The following RAB8A variants were observed in gnomAD, a reference collection of about 807,000 sequenced individuals.
RAB8A encodes the protein RAB8A, member RAS oncogene family.
Under a neutral mutation model 29.2 loss-of-function variants are expected in RAB8A, and 5 were observed. The ratio of observed to expected loss-of-function variants is 0.17; its 90% CI spans 0.09 to 0.36. The LOEUF (loss-of-function observed/expected upper bound fraction) is 0.36. RAB8A is among the 10% of genes least tolerant of loss of function. The pLI is 1.00. For missense variants in RAB8A, 171 were observed against 272.2 expected (o/e 0.63, Z 2.62); for synonymous variants, 108 against 99.9 (o/e 1.08, Z -0.49).
rs751928900 is a variant in RAB8A at position 16,127,553 on chromosome 19, G to A, written c.414+27G>A. The A allele has an allele frequency of 6.8e-7, 1 of 1,467,120 alleles. No individual in the cohort carries two copies. Among genetic ancestry groups the A allele is most frequent in the Non-Finnish European group, 9.1e-7 (1 of 1,097,916 alleles). The allele number at this position is 1,467,120 out of a possible 1,614,324, so 90.9% of individuals were successfully genotyped here. Reference sequence around the variant, plus strand: ...TGGGCATGGTGGCACAAGGGGCAGAGGGCCTCGGGGTCTTGGGGTTCTTGT... The same window carrying A: ...TGGGCATGGTGGCACAAGGGGCAGAAGGCCTCGGGGTCTTGGGGTTCTTGT... On this transcript the variant is annotated intron_variant, in intron 5 of 7. Transcript: ENST00000300935. The surrounding 1 kb of genome is among the most constrained non-coding windows in gnomAD (Gnocchi z 4.8).
chr19:16,129,564 C>T lies in RAB8A; in HGVS notation c.491C>T (p.Thr164Ile), dbSNP rs1160073390. The change falls in exon 7 of 8, where the codon ACT (threonine) becomes ATT (isoleucine). Residue 164 changes from threonine (T) to isoleucine (I), a missense_variant. Transcript: ENST00000300935. ...ANINVENAFF[T>I]LARDIKAKMD... is the part of the protein sequence containing the mutation. ...GTGCTTATTCCACAGGCATTTTTCA[C>T]TCTCGCCAGAGATATCAAAGCAAAA... The T allele has an allele frequency of 5.6e-6, 9 of 1,614,004 alleles. No individual in the cohort carries two copies. The highest frequency in any genetic ancestry group is 2.2e-5 in the East Asian group (1 of 44,900).
Position 16,127,531 on chromosome 19 carries a change from G to A in RAB8A, c.414+5G>A. On this transcript the variant is annotated splice_donor_5th_base_variant and intron_variant, in intron 5 of 7. Coordinates refer to ENST00000300935, the MANE Select transcript of RAB8A (RefSeq NM_005370.5). This position sits in a 1 kb window ranked among gnomAD's most constrained non-coding sequence, Gnocchi z 4.8. ...TCCAAGGAACGGGGAGAAAAGGTGG[G>A]CATGGTGGCACAAGGGGCAGAGGGC... 1 of 1,521,018 alleles carries A rather than the reference G, an allele frequency of 6.6e-7. No individual in the cohort carries two copies. The highest frequency in any genetic ancestry group is 8.8e-7 in the Non-Finnish European group (1 of 1,136,722). 94.2% of individuals were successfully genotyped at this position (1,521,018 alleles called of 1,614,324 possible).
intron 7 of RAB8A, 29 bp downstream of exon 7, chr19:16,129,633 G>A (rs2144996974): frequency 6.2e-7 from 1 of 1,609,836 alleles, no homozygotes; most frequent in East Asian, 2.2e-5. Flanking sequence ...GAGATCCCCG[G>A]GTGGATCTCT....
chr19:16,128,186 G>T, intron 6 of RAB8A, 95 bp downstream of exon 6: 4 of 1,355,920 alleles, frequency 3.0e-6, no homozygotes, highest in Non-Finnish European at 4.1e-6. Flanking sequence ...GGTCCTGCCA[G>T]ACGGACCAGC....
At chr19:16,113,622 G>A (rs968894768) in intron 1 of RAB8A, among the ~76,000 whole-genome samples, 14 of 152,124 alleles carry the variant, frequency 9.2e-5, no homozygotes, top group South Asian at 2.1e-4. Flanking sequence ...GGCTGGTCTC[G>A]AACTCCTGAC....
intron 1 of RAB8A, among the ~76,000 whole-genome samples, chr19:16,115,249 G>T (rs910508388): frequency 6.6e-6 from 1 of 151,774 alleles, no homozygotes. Flanking sequence ...GATTGTGCCA[G>T]TGCACTCCAG....
At chr19:16,112,799 C>T (rs55640526) in intron 1 of RAB8A, 45,587 of 152,100 alleles carry the variant, frequency 0.3, 7,081 homozygotes, top group South Asian at 0.35. Flanking sequence ...CCCTCATAAG[C>T]GTATTTTCCT....
chr19:16,129,483 C>A, intron 6 of RAB8A, 71 bp from the exon 7 acceptor site: 1 of 1,493,126 alleles, frequency 6.7e-7, no homozygotes, highest in Non-Finnish European at 9.3e-7. Flanking sequence ...CTCACCACAC[C>A]CGCTGTACAC....
At chr19:16,124,711 G>GCCCCCCCCCCCCCCCCC (rs111343158) in intron 3 of RAB8A, 1 of 135,296 alleles carries the variant, frequency 7.4e-6, no homozygotes, top group Non-Finnish European at 1.6e-5. Context: ...TTTGGAGTTA[G>GCCCCCCCCCCCCCCCCC]CCCCCCCCCG....
Position 16,132,547 on chromosome 19 carries a change from C to T in RAB8A, c.*243C>T. 1.9e-6 allele frequency: 1 copy of T among 518,840 alleles called. No individual in the cohort carries two copies. Among genetic ancestry groups the T allele is most frequent in the East Asian group, 3.4e-5 (1 of 29,182 alleles). 32.1% of individuals were successfully genotyped at this position (518,840 alleles called of 1,614,324 possible). A position where few individuals can be genotyped will look rare whatever the true frequency, so the allele number is the denominator to read the frequency against. On this transcript the variant is annotated 3_prime_UTR_variant, in exon 8 of 8. Coordinates refer to ENST00000300935, the MANE Select transcript of RAB8A (RefSeq NM_005370.5). The surrounding 1 kb of genome is among the most constrained non-coding windows in gnomAD (Gnocchi z 5.6). The stretch of plus-strand genomic sequence containing the variant: ...TTTCCTGTAACATCTGCTGAACGGG[C>T]CCACCCACACGTTGTATATTCAGAG...
At chr19:16,130,967 GCACATGT>G (rs1384574278) in intron 7 of RAB8A, among the ~76,000 whole-genome samples, 1 of 152,076 alleles carries the variant, frequency 6.6e-6, no homozygotes, top group Non-Finnish European at 1.5e-5. Context: ...GGGATTACAG[GCACATGT>G]CACCACGCCC....
At chr19:16,117,276 G>A (rs2090850354) in intron 1 of RAB8A, among the ~76,000 whole-genome samples, 1 of 152,026 alleles carries the variant, frequency 6.6e-6, no homozygotes, top group Non-Finnish European at 1.5e-5. Flanking sequence ...ATCATTTGAG[G>A]TCAGGAGTTT....
chr19:16,123,497 C>T (rs1341955621), intron 3 of RAB8A, among the ~76,000 whole-genome samples: 2 of 152,194 alleles, frequency 1.3e-5, no homozygotes, highest in African/African-American at 4.8e-5. Flanking sequence ...ATCCCAGCTA[C>T]TCAGGAGGGT....
rs142178398 is a variant in RAB8A, at chr19:16,132,274, G to A, written c.594G>A (p.Arg198=). 1.2e-6 allele frequency: 2 copies of A among 1,614,062 alleles called. No individual in the cohort carries two copies. Among genetic ancestry groups the A allele is most frequent in the South Asian group, 1.1e-5 (1 of 91,084 alleles). The part of the protein sequence containing the change: ...GVKITPDQQK[R]SSFFRCVLL ...AAATCACACCGGACCAGCAGAAGAGGAGCAGCTTTTTCCGATGTGTTCTTC... is the reference window on the plus strand; with the variant it reads ...AAATCACACCGGACCAGCAGAAGAGAAGCAGCTTTTTCCGATGTGTTCTTC... Residue 198 remains arginine, a synonymous_variant, in exon 8 of 8, where the codon AGG becomes AGA. Transcript: ENST00000300935. The surrounding 1 kb of genome is among the most constrained non-coding windows in gnomAD (Gnocchi z 5.6).
chr19:16,111,995 G>GC lies in RAB8A; in HGVS notation c.96dup (p.Phe33LeufsTer12). 6.2e-7 allele frequency: 1 copy of GC among 1,614,054 alleles called. No homozygotes were observed. The highest frequency in any genetic ancestry group is 8.5e-7 in the Non-Finnish European group (1 of 1,179,884). On this transcript the variant is annotated frameshift_variant, in exon 1 of 8. Coordinates refer to ENST00000300935, the MANE Select transcript of RAB8A (RefSeq NM_005370.5). LOFTEE classifies it high-confidence loss of function. ...TGTCCTGTTCCGCTTCTCCGAGGAC[G>GC]CCTTCAACTCCACTTTTATCTCCAC...
Position 16,122,747 on chromosome 19 carries a change from T to C in RAB8A, c.246+937T>C, listed in dbSNP as rs1235401898. 6.6e-6 allele frequency among the ~76,000 whole-genome samples: 1 copy of C among 152,080 alleles called. No homozygotes were observed. Among genetic ancestry groups the C allele is most frequent in the Admixed American group, 6.5e-5 (1 of 15,276 alleles). Reference sequence around the variant, plus strand: ...GGAGATGGAAGGAGGCATTATGTGTTTAGAGCATCCCACACGGCATCCGAA... The same window carrying C: ...GGAGATGGAAGGAGGCATTATGTGTCTAGAGCATCCCACACGGCATCCGAA... On this transcript the variant is annotated intron_variant, in intron 3 of 7. Transcript: ENST00000300935. The surrounding 1 kb of genome is among the most constrained non-coding windows in gnomAD (Gnocchi z 4.7).
chr19:16,124,818 C>T (rs1224751027), intron 3 of RAB8A: 1 of 154,458 alleles, frequency 6.5e-6, no homozygotes, highest in African/African-American at 2.4e-5. Context: ...AGTAGCGAGG[C>T]TGTGGACCCA....
In RAB8A at chr19:16,122,736, G is replaced by A. The variant is rs1367084424; in HGVS notation, c.246+926G>A. Among the ~76,000 whole-genome samples, 1 of 152,146 alleles carries A rather than the reference G, an allele frequency of 6.6e-6. No homozygotes were observed. Among genetic ancestry groups the A allele is most frequent in the East Asian group, 1.9e-4 (1 of 5,192 alleles). ...TTGTGGAGGGTGGAGATGGAAGGAGGCATTATGTGTTTAGAGCATCCCACA... is the reference window on the plus strand; with the variant it reads ...TTGTGGAGGGTGGAGATGGAAGGAGACATTATGTGTTTAGAGCATCCCACA... On this transcript the variant is annotated intron_variant, in intron 3 of 7. Transcript: ENST00000300935. This position sits in a 1 kb window ranked among gnomAD's most constrained non-coding sequence, Gnocchi z 4.7.
At chr19:16,119,351 A>G (rs1049550979) in intron 2 of RAB8A, among the ~76,000 whole-genome samples, 1 of 152,046 alleles carries the variant, frequency 6.6e-6, no homozygotes, top group Non-Finnish European at 1.5e-5. Flanking sequence ...TATTACAGGC[A>G]TGCACCACCA....
Sources: gnomAD v4.1 joint callset for allele counts (sites outside exome capture counted in the v4.1 genomes callset) on GRCh38, gnomAD v4.1.1 for gene constraint, Gnocchi (gnomAD v3.1) non-coding constraint, MANE v1.5 for transcripts, NCBI Gene and HGNC (gene_info 2026-07-23, HGNC 2026-07-21) for gene names.